Variants in ST6GALNAC3 observed in about 807,000 individuals in gnomAD.
ST6GALNAC3 encodes alpha-N-acetylgalactosaminide alpha-2,6-sialyltransferase 3.
Under a neutral mutation model 32.7 loss-of-function variants are expected in ST6GALNAC3, and 25 were observed. The observed-to-expected ratio is 0.76, with a 90% CI of 0.56 to 1.07. ST6GALNAC3 has a LOEUF of 1.07. ST6GALNAC3 is among the 50% of genes least tolerant of loss of function. The probability of loss-of-function intolerance (pLI) is 0.00; values close to 1 mark genes in which losing one functional copy is unlikely to be tolerated. For synonymous variants in ST6GALNAC3, 129 were observed against 133.1 expected, an observed-to-expected ratio of 0.97 and a Z score of 0.21; for missense variants, 355 against 382.4, an observed-to-expected ratio of 0.93 and a Z score of 0.60.
intron 1 of ST6GALNAC3, among the ~76,000 whole-genome samples, chr1:76,268,066 A>G (rs1658635635): frequency 6.6e-6 from 1 of 152,212 alleles, no homozygotes. Context: ...AGAAAATTGT[A>G]GTCCTATCCC....
chr1:76,553,019 ATTGGGTAGTAC>A (rs1347181601), intron 3 of ST6GALNAC3, among the ~76,000 whole-genome samples: 1 of 152,132 alleles, frequency 6.6e-6, no homozygotes, highest in Admixed American at 6.5e-5. Flanking sequence ...ATTTGTTATT[ATTGGGTAGTAC>A]TTTAATAGAT....
At chr1:76,291,826 T>A (rs1660113858) in intron 1 of ST6GALNAC3, among the ~76,000 whole-genome samples, 1 of 152,270 alleles carries the variant, frequency 6.6e-6, no homozygotes, top group Admixed American at 6.5e-5. Flanking sequence ...TGATTAGTGA[T>A]GTGCAATTTG....
intron 2 of ST6GALNAC3, among the ~76,000 whole-genome samples, chr1:76,405,371 C>T (rs777889041): frequency 1.3e-5 from 2 of 151,970 alleles, no homozygotes; most frequent in Non-Finnish European, 2.9e-5. Flanking sequence ...TAAGCTTATT[C>T]AGAGAGAAAA....
At chr1:76,550,626 G>A (rs1272453999) in intron 3 of ST6GALNAC3, among the ~76,000 whole-genome samples, 1 of 152,130 alleles carries the variant, frequency 6.6e-6, no homozygotes, top group Non-Finnish European at 1.5e-5. Flanking sequence ...CAATGCCACT[G>A]CCTAGCCATG....
chr1:76,571,356 G>A (rs978883999), intron 3 of ST6GALNAC3, among the ~76,000 whole-genome samples: 1 of 152,004 alleles, frequency 6.6e-6, no homozygotes, highest in African/African-American at 2.4e-5. Flanking sequence ...CAAAAAATGT[G>A]AGCTACCTCT....
At chr1:76,283,711 TC>T (rs1421668575) in intron 1 of ST6GALNAC3, among the ~76,000 whole-genome samples, 1 of 152,248 alleles carries the variant, frequency 6.6e-6, no homozygotes, top group African/African-American at 2.4e-5. Context: ...TTCCTAAGTT[TC>T]CTATTTCTTC....
chr1:76,525,785 GTGTGTGTA>G (rs1274232941), intron 3 of ST6GALNAC3, among the ~76,000 whole-genome samples: 2 of 73,530 alleles, frequency 2.7e-5, no homozygotes, highest in Admixed American at 1.6e-4. Context: ...GTGTGTGTGT[GTGTGTGTA>G]TATATATATA....
chr1:76,283,952 C>A (rs1386442117), intron 1 of ST6GALNAC3, among the ~76,000 whole-genome samples: 1 of 152,094 alleles, frequency 6.6e-6, no homozygotes, highest in Non-Finnish European at 1.5e-5. Flanking sequence ...TATAAGGGAA[C>A]CTTTATCATT....
At chr1:76,579,306 G>A (rs1308049820) in intron 3 of ST6GALNAC3, among the ~76,000 whole-genome samples, 2 of 151,884 alleles carry the variant, frequency 1.3e-5, no homozygotes, top group Non-Finnish European at 2.9e-5. Flanking sequence ...TTCATCATCA[G>A]TCACATCTTC....
At position 76,314,749 on chromosome 1, in the gene ST6GALNAC3, T is replaced by C. The variant is rs1000116215; in HGVS notation, c.213+750T>C. ...ATTCATTTCTATGGAGTTGGATGAA[T>C]GTGAGTTTAATATTCAGAGACACAA... On this transcript the variant is annotated intron_variant, in intron 2 of 4. Coordinates refer to ENST00000328299, the MANE Select transcript of ST6GALNAC3 (RefSeq NM_152996.4). Among the ~76,000 whole-genome samples, 4 of 152,186 alleles carry C rather than the reference T, an allele frequency of 2.6e-5. No homozygotes were observed. The East Asian group carries it at 7.7e-4, about 29-fold the overall frequency.
At chr1:76,525,816 T>TATATACATATATATACATATATAC (rs1662875965) in intron 3 of ST6GALNAC3, among the ~76,000 whole-genome samples, 1 of 111,788 alleles carries the variant, frequency 8.9e-6, no homozygotes, top group African/African-American at 3.3e-5. Flanking sequence ...TATATATATA[T>TATATACATATATATACATATATAC]ATATATATAT....
intron 3 of ST6GALNAC3, among the ~76,000 whole-genome samples, chr1:76,520,627 G>A (rs939396872): frequency 6.6e-6 from 1 of 151,852 alleles, no homozygotes; most frequent in Non-Finnish European, 1.5e-5. Flanking sequence ...TCTTTTATCT[G>A]CATGGCTTAT....
chr1:76,569,503 A>G (rs1017189625), intron 3 of ST6GALNAC3, among the ~76,000 whole-genome samples: 2 of 152,202 alleles, frequency 1.3e-5, no homozygotes, highest in Non-Finnish European at 2.9e-5. Context: ...AATCAAAGTG[A>G]CACGTTCAAA....
At chr1:76,473,978 G>A (rs930028089) in intron 3 of ST6GALNAC3, among the ~76,000 whole-genome samples, 10 of 152,122 alleles carry the variant, frequency 6.6e-5, no homozygotes, top group African/African-American at 2.4e-4. Flanking sequence ...TGGCCTGCCA[G>A]AGAGAAAGGC....
chr1:76,564,406 C>G (rs1284418280), intron 3 of ST6GALNAC3, among the ~76,000 whole-genome samples: 1 of 152,008 alleles, frequency 6.6e-6, no homozygotes, highest in Non-Finnish European at 1.5e-5. Flanking sequence ...CTAGATCCAC[C>G]CTTGAAGAGA....
intron 1 of ST6GALNAC3, among the ~76,000 whole-genome samples, chr1:76,084,724 C>A (rs1646942855): frequency 6.6e-6 from 1 of 152,186 alleles, no homozygotes; most frequent in South Asian, 2.1e-4. Flanking sequence ...AAACCTGAAT[C>A]TCTGTTTTGC....
At chr1:76,351,012 C>T (rs772141151) in intron 2 of ST6GALNAC3, among the ~76,000 whole-genome samples, 1 of 152,120 alleles carries the variant, frequency 6.6e-6, no homozygotes, top group African/African-American at 2.4e-5. Context: ...CAGAGTGTAA[C>T]TTAGTGTTAA....
intron 2 of ST6GALNAC3, among the ~76,000 whole-genome samples, chr1:76,407,096 A>G (rs1276256649): frequency 6.6e-6 from 1 of 151,916 alleles, no homozygotes; most frequent in African/African-American, 2.4e-5. Context: ...TTTTCCTGTA[A>G]GGTGGCAAAA....
chr1:76,612,604 C>G (rs1345687527), intron 3 of ST6GALNAC3, among the ~76,000 whole-genome samples: 1 of 152,118 alleles, frequency 6.6e-6, no homozygotes, highest in African/African-American at 2.4e-5. Flanking sequence ...CAGAAGGAAA[C>G]AGTACTTAAA....
Sources: gnomAD v4.1 joint callset for allele counts (sites outside exome capture counted in the v4.1 genomes callset) on GRCh38, gnomAD v4.1.1 for gene constraint, MANE v1.5 for transcripts, NCBI Gene and HGNC (gene_info 2026-07-23, HGNC 2026-07-21) for gene names.